Variants in TXLNB observed in about 807,000 individuals in gnomAD.
The protein encoded by TXLNB is taxilin beta.
A neutral mutation model predicts 57.4 loss-of-function variants in TXLNB; 37 were observed. The observed-to-expected ratio is 0.64, with a 90% CI of 0.50 to 0.85. The LOEUF is 0.85. Among genes scored for constraint, TXLNB ranks in the 40% least tolerant of loss-of-function variants. The pLI, the probability that TXLNB is intolerant of heterozygous loss-of-function variation, is 0.00. For synonymous variants in TXLNB, 302 were observed against 309.6 expected (o/e 0.98, Z 0.26); for missense variants, 848 against 825.6 (o/e 1.03, Z -0.33).
chr6:139,323,766 G>A, the TXLNB span, among the ~76,000 whole-genome samples: 3 of 152,170 alleles, frequency 2.0e-5, no homozygotes, highest in South Asian at 6.2e-4. Context: ...TTTCCTCTTC[G>A]TTTTTCCGGG....
At chr6:139,267,789 C>G (rs879373662) in intron 4 of TXLNB, among the ~76,000 whole-genome samples, 4 of 152,048 alleles carry the variant, frequency 2.6e-5, no homozygotes, top group Non-Finnish European at 4.4e-5. Context: ...AAGAGATACA[C>G]CAGGCAAACA....
At chr6:139,279,540 C>T (rs1057050202) in intron 2 of TXLNB, among the ~76,000 whole-genome samples, 11 of 152,216 alleles carry the variant, frequency 7.2e-5, no homozygotes, top group African/African-American at 2.4e-4. Flanking sequence ...CATAAATTTA[C>T]AACATCACTG....
chr6:139,182,895 T>C, the TXLNB span: 1 of 152,224 alleles, frequency 6.6e-6, no homozygotes, highest in Non-Finnish European at 1.5e-5. Flanking sequence ...TCAAATGGAA[T>C]TGGCTACCGT....
chr6:139,174,923 G>A, the TXLNB span, among the ~76,000 whole-genome samples: 4 of 152,070 alleles, frequency 2.6e-5, no homozygotes, highest in African/African-American at 9.7e-5. Context: ...CTAAGATTCT[G>A]TATGATTAGC....
the TXLNB span, among the ~76,000 whole-genome samples, chr6:139,301,344 T>A: frequency 0.016 from 2,426 of 152,256 alleles, 58 homozygotes; most frequent in African/African-American, 0.055. Context: ...AAAGATGACA[T>A]CTTAGATGAC....
chr6:139,199,656 G>A, the TXLNB span, among the ~76,000 whole-genome samples: 1 of 152,302 alleles, frequency 6.6e-6, no homozygotes, highest in Admixed American at 6.5e-5. Context: ...TAAAAATATA[G>A]CCAGGCATAG....
the TXLNB span, among the ~76,000 whole-genome samples, chr6:139,322,124 A>T: frequency 6.6e-6 from 1 of 152,146 alleles, no homozygotes; most frequent in Admixed American, 6.6e-5. Flanking sequence ...CAGGTGCACC[A>T]CCATGCCTGA....
intron 2 of TXLNB, among the ~76,000 whole-genome samples, chr6:139,279,307 T>G (rs143845496): frequency 4.6e-5 from 7 of 152,330 alleles, no homozygotes; most frequent in African/African-American, 1.4e-4. Context: ...TTTGTTTTGT[T>G]TTTTACTCTT....
intron 9 of TXLNB, among the ~76,000 whole-genome samples, chr6:139,244,090 T>G (rs556258862): frequency 3.3e-5 from 5 of 152,282 alleles, no homozygotes; most frequent in African/African-American, 1.2e-4. Context: ...CAAAACCTAC[T>G]TGGAGCCTGG....
At chr6:139,258,994 C>T (rs1776414337) in intron 6 of TXLNB, among the ~76,000 whole-genome samples, 1 of 152,156 alleles carries the variant, frequency 6.6e-6, no homozygotes, top group African/African-American at 2.4e-5. Flanking sequence ...TTCCTCAGCC[C>T]AAAACTTAGG....
chr6:139,217,619 G>A, the TXLNB span, among the ~76,000 whole-genome samples: 4 of 151,862 alleles, frequency 2.6e-5, no homozygotes, highest in Non-Finnish European at 5.9e-5. Flanking sequence ...CTGTAATCCT[G>A]GCACTTTGGG....
intron 2 of TXLNB, among the ~76,000 whole-genome samples, chr6:139,288,234 T>C (rs1777221365): frequency 6.6e-6 from 1 of 152,176 alleles, no homozygotes; most frequent in African/African-American, 2.4e-5. Context: ...GTTAAAGATT[T>C]TGGTCTTCAT....
the TXLNB span, among the ~76,000 whole-genome samples, chr6:139,181,093 T>TGATA: frequency 8.0e-5 from 12 of 150,730 alleles, no homozygotes; most frequent in African/African-American, 2.5e-4. Context: ...TTCTATTATT[T>TGATA]GATAGATAGT....
At chr6:139,229,304 T>C in the TXLNB span, among the ~76,000 whole-genome samples, 1 of 146,162 alleles carries the variant, frequency 6.8e-6, no homozygotes, top group South Asian at 2.3e-4. Flanking sequence ...GCAAAAGTGA[T>C]TGTGTGTCAT....
chr6:139,212,813 G>A, the TXLNB span, among the ~76,000 whole-genome samples: 1 of 152,144 alleles, frequency 6.6e-6, no homozygotes, highest in Admixed American at 6.5e-5. Context: ...AACAAAAAAA[G>A]GCAGGGGTTG....
chr6:139,294,430 TC>T (rs948619444), upstream of TXLNB, among the ~76,000 whole-genome samples: 3 of 152,052 alleles, frequency 2.0e-5, no homozygotes, highest in African/African-American at 7.3e-5. Flanking sequence ...AATGTTTGTG[TC>T]CCCCCAAAAT....
In TXLNB at chr6:139,241,992, C is replaced by G. The variant is rs138133890; in HGVS notation, c.*534G>C. 1.3e-5 allele frequency: 2 copies of G among 151,862 alleles called. No individual in the cohort carries two copies. The highest frequency in any genetic ancestry group is 4.8e-5 in the African/African-American group (2 of 41,298). The allele number at this position is 151,862 out of a possible 1,614,324, so 9.4% of individuals were successfully genotyped here. ...ATGCATTTATATATACATATAGATA[C>G]GTGCATATATGTATATAAACAAATA... On this transcript the variant is annotated 3_prime_UTR_variant, in exon 10 of 10. Coordinates refer to ENST00000358430, the MANE Select transcript of TXLNB (RefSeq NM_153235.4).
chr6:139,190,305 C>CTTTTTT, the TXLNB span, among the ~76,000 whole-genome samples: 87 of 108,870 alleles, frequency 8.0e-4, 1 homozygote, highest in African/African-American at 1.2e-3. Flanking sequence ...TTCTTTCTTT[C>CTTTTTT]TTTCTTTTTT....
At chr6:139,233,416 T>G in the TXLNB span, among the ~76,000 whole-genome samples, 1 of 140,478 alleles carries the variant, frequency 7.1e-6, no homozygotes, top group Non-Finnish European at 1.5e-5. Context: ...TAAATTTATA[T>G]ATATATAAAT....
Sources: allele counts gnomAD v4.1 joint callset (sites outside exome capture counted in the v4.1 genomes callset), GRCh38; gene constraint gnomAD v4.1.1; transcripts MANE v1.5; gene names NCBI Gene and HGNC (gene_info 2026-07-23, HGNC 2026-07-21).